Variants in ERC2 observed in about 807,000 individuals in gnomAD.
ERC2 encodes the protein ELKS/RAB6-interacting/CAST family member 2.
A neutral mutation model predicts 114.8 loss-of-function variants in ERC2; 42 were observed. That is an observed-to-expected ratio of 0.37 (90% CI 0.29 to 0.47). The LOEUF (loss-of-function observed/expected upper bound fraction) is 0.47, where lower values mean the gene tolerates loss of function less well. ERC2 is among the 20% of genes least tolerant of loss of function. ERC2 has a pLI of 0.99. For synonymous variants in ERC2, 454 were observed against 425.5 expected (o/e 1.07, Z -0.82); for missense variants, 939 against 1,150.7 (o/e 0.82, Z 2.66).
intron 3 of ERC2, among the ~76,000 whole-genome samples, chr3:56,191,501 A>C (rs535561895): frequency 2.0e-5 from 3 of 152,164 alleles, no homozygotes; most frequent in Non-Finnish European, 4.4e-5. Flanking sequence ...CAACTCCATG[A>C]GATCCTGCAA....
chr3:55,562,187 C>T (rs1257411437), intron 17 of ERC2, among the ~76,000 whole-genome samples: 2 of 150,692 alleles, frequency 1.3e-5, no homozygotes, highest in South Asian at 2.1e-4. Flanking sequence ...GTTTTGCTCT[C>T]GTTTCCCAGG....
intron 12 of ERC2, among the ~76,000 whole-genome samples, chr3:55,983,585 A>C (rs949870479): frequency 1.3e-5 from 2 of 152,230 alleles, no homozygotes; most frequent in African/African-American, 4.8e-5. Flanking sequence ...TTTGAAGAGG[A>C]AATGAAGTCA....
chr3:55,896,982 G>A (rs780445762), intron 13 of ERC2, among the ~76,000 whole-genome samples: 1 of 152,190 alleles, frequency 6.6e-6, no homozygotes, highest in African/African-American at 2.4e-5. Flanking sequence ...ATTCATAACT[G>A]TTCACTTTCA....
At chr3:55,850,852 A>ACACG (rs1254439075) in intron 14 of ERC2, among the ~76,000 whole-genome samples, 3 of 145,510 alleles carry the variant, frequency 2.1e-5, no homozygotes, top group Non-Finnish European at 4.5e-5. Context: ...TCAAACACAC[A>ACACG]CACACACACA....
At chr3:55,968,216 T>G (rs1232215568) in intron 12 of ERC2, among the ~76,000 whole-genome samples, 1 of 152,140 alleles carries the variant, frequency 6.6e-6, no homozygotes, top group African/African-American at 2.4e-5. Flanking sequence ...AGAAGTGAAA[T>G]GACAAGGAAC....
intron 17 of ERC2, among the ~76,000 whole-genome samples, chr3:55,539,010 A>C (rs1351297445): frequency 1.3e-5 from 2 of 152,210 alleles, no homozygotes; most frequent in African/African-American, 4.8e-5. Context: ...ATGTTTCCCA[A>C]ATTATGGCCT....
At chr3:55,575,186 T>C (rs954431901) in intron 17 of ERC2, among the ~76,000 whole-genome samples, 3 of 152,106 alleles carry the variant, frequency 2.0e-5, no homozygotes, top group Non-Finnish European at 2.9e-5. Context: ...AGCTAATTTT[T>C]TGGTATTTTT....
Position 55,948,193 on chromosome 3 carries a change from T to C in ERC2, c.2403+2232A>G, listed in dbSNP as rs187143117. On this transcript the variant is annotated intron_variant, in intron 13 of 17. Transcript: ENST00000288221. ...AAGCCTGATCCACTAGCTATTATTG[T>C]TGTAGGCAATACTCTACATGATATT... Among the ~76,000 whole-genome samples, 38 of 152,364 alleles carry C rather than the reference T, an allele frequency of 2.5e-4. No individual in the cohort carries two copies. The Middle Eastern group carries it at 0.01, about 41-fold the overall frequency.
chr3:56,213,133 G>C (rs563689760), intron 3 of ERC2, among the ~76,000 whole-genome samples: 1 of 152,162 alleles, frequency 6.6e-6, no homozygotes, highest in Admixed American at 6.5e-5. Flanking sequence ...CTGAGGTACC[G>C]GGTTCATCTC....
intron 5 of ERC2, among the ~76,000 whole-genome samples, chr3:56,144,077 A>C (rs1315505372): frequency 6.6e-6 from 1 of 152,222 alleles, no homozygotes; most frequent in Non-Finnish European, 1.5e-5. Context: ...CGGTCTTGAG[A>C]AGGATCCTAA....
chr3:56,249,746 G>A (rs2051999993), intron 3 of ERC2, among the ~76,000 whole-genome samples: 1 of 152,102 alleles, frequency 6.6e-6, no homozygotes, highest in African/African-American at 2.4e-5. Flanking sequence ...TAAAATGCTA[G>A]GCACAATGCC....
chr3:55,885,099 C>T (rs1404331483), intron 14 of ERC2, among the ~76,000 whole-genome samples: 1 of 152,158 alleles, frequency 6.6e-6, no homozygotes, highest in African/African-American at 2.4e-5. Flanking sequence ...ACAGCCTCTC[C>T]CTTCCCACCA....
At chr3:55,735,526 C>T (rs1227388950) in intron 14 of ERC2, among the ~76,000 whole-genome samples, 1 of 152,196 alleles carries the variant, frequency 6.6e-6, no homozygotes, top group Non-Finnish European at 1.5e-5. Flanking sequence ...AACCTGCTCT[C>T]TCAAGAACTA....
At chr3:56,250,842 G>A (rs1379388678) in intron 3 of ERC2, among the ~76,000 whole-genome samples, 1 of 152,154 alleles carries the variant, frequency 6.6e-6, no homozygotes, top group African/African-American at 2.4e-5. Flanking sequence ...TATGGGACGG[G>A]GATCACTAAG....
intron 13 of ERC2, among the ~76,000 whole-genome samples, chr3:55,920,415 A>AACACACACACACACAC (rs10560997): frequency 6.3e-4 from 92 of 146,718 alleles, no homozygotes; most frequent in Middle Eastern, 3.3e-3. Flanking sequence ...GGCACACTAA[A>AACACACACACACACAC]ACACACACAC....
chr3:55,641,981 G>A (rs1013955677), intron 17 of ERC2, among the ~76,000 whole-genome samples: 2 of 152,186 alleles, frequency 1.3e-5, no homozygotes, highest in Non-Finnish European at 2.9e-5. Context: ...CTATTGGCCA[G>A]AAATCATTTG....
At chr3:55,560,305 G>A (rs186369985) in intron 17 of ERC2, among the ~76,000 whole-genome samples, 19 of 152,300 alleles carry the variant, frequency 1.2e-4, no homozygotes, top group Admixed American at 2.0e-4. Flanking sequence ...CCTAGTATAA[G>A]GCTATTTCTT....
chr3:55,570,958 T>C (rs575413230), intron 17 of ERC2, among the ~76,000 whole-genome samples: 2 of 151,964 alleles, frequency 1.3e-5, no homozygotes, highest in Admixed American at 1.3e-4. Flanking sequence ...AAACCCTGTC[T>C]CTACTAAAAA....
chr3:55,935,796 A>C (rs2066405452), intron 13 of ERC2, among the ~76,000 whole-genome samples: 1 of 152,132 alleles, frequency 6.6e-6, no homozygotes, highest in Non-Finnish European at 1.5e-5. Context: ...CCTGCTCTCC[A>C]GACAGCCATT....
Sources: gnomAD v4.1 joint callset for allele counts (sites outside exome capture counted in the v4.1 genomes callset) on GRCh38, gnomAD v4.1.1 for gene constraint, MANE v1.5 for transcripts, NCBI Gene and HGNC (gene_info 2026-07-23, HGNC 2026-07-21) for gene names.